Variants in ZNF578 observed in about 807,000 individuals in gnomAD.
The protein encoded by ZNF578 is zinc finger protein 578, also known as Putative chemokine-related protein B42.
Under a neutral mutation model 8.3 loss-of-function variants are expected in ZNF578, and 8 were observed. The ratio of observed to expected loss-of-function variants is 0.96; its 90% CI spans 0.56 to 1.74. The LOEUF is 1.74. Ranked by LOEUF, ZNF578 falls within the 40% of genes most tolerant of loss-of-function variation. ZNF578 has a pLI of 0.00. For synonymous variants in ZNF578, 206 were observed against 232.2 expected (o/e 0.89, Z 1.03); for missense variants, 726 against 707.5 (o/e 1.03, Z -0.30).
intron 2 of ZNF578, among the ~76,000 whole-genome samples, chr19:52,460,361 A>G (rs2059254127): frequency 6.6e-6 from 1 of 150,982 alleles, no homozygotes; most frequent in Admixed American, 6.6e-5. Context: ...GTGTGAGGTG[A>G]TACCTCATTG....
intron 2 of ZNF578, among the ~76,000 whole-genome samples, chr19:52,483,138 G>A (rs540898870): frequency 2.6e-5 from 4 of 152,178 alleles, no homozygotes; most frequent in South Asian, 2.1e-4. Flanking sequence ...AGTCCTGGCC[G>A]TGCGCGGTGG....
At chr19:52,492,113 G>T (rs960103316) in intron 3 of ZNF578, among the ~76,000 whole-genome samples, 4 of 128,268 alleles carry the variant, frequency 3.1e-5, no homozygotes, top group Middle Eastern at 5.3e-3. Flanking sequence ...AGCCAAAACC[G>T]TGCCACTGCA....
intron 2 of ZNF578, among the ~76,000 whole-genome samples, chr19:52,470,354 A>G (rs940170206): frequency 2.6e-5 from 4 of 152,206 alleles, no homozygotes; most frequent in Non-Finnish European, 4.4e-5. Context: ...CTGCACTCCA[A>G]AAGAACTGCT....
At chr19:52,493,948 C>A (rs1440792329) in intron 3 of ZNF578, among the ~76,000 whole-genome samples, 4 of 151,502 alleles carry the variant, frequency 2.6e-5, no homozygotes, top group African/African-American at 7.3e-5. Context: ...CGAGATCTCA[C>A]CATTTCACTC....
chr19:52,459,946 T>G (rs1326459649), intron 2 of ZNF578, among the ~76,000 whole-genome samples: 2 of 149,584 alleles, frequency 1.3e-5, no homozygotes. Context: ...TTTGTATTTT[T>G]ATTAGAGACG....
intron 3 of ZNF578, among the ~76,000 whole-genome samples, chr19:52,491,642 T>C (rs326432): frequency 6.7e-6 from 1 of 150,098 alleles, no homozygotes; most frequent in African/African-American, 2.5e-5. Context: ...TTCCACCCAG[T>C]AGGCAGAGGC....
In ZNF578 at chr19:52,511,587, T is replaced by C. The variant is rs1568468306; in HGVS notation, c.1206T>C (p.Asn402=). The C allele has an allele frequency of 1.9e-6, 3 of 1,613,282 alleles. No individual in the cohort carries two copies. The highest frequency in any genetic ancestry group is 2.2e-5 in the South Asian group (2 of 91,070). Residue 402 remains asparagine, a synonymous_variant, in exon 6 of 6, where the codon AAT becomes AAC. Transcript: ENST00000421239. ...CTGGAGAGAAACCTTACAAGTGTAA[T>C]GAATGTGGCAAGGCTTTTAATCAAC... is the stretch of plus-strand genomic sequence containing the variant. The part of the protein sequence containing the change: ...IHTGEKPYKC[N]ECGKAFNQQS...
At chr19:52,490,558 C>T (rs2059361738) in intron 2 of ZNF578, among the ~76,000 whole-genome samples, 1 of 152,100 alleles carries the variant, frequency 6.6e-6, no homozygotes, top group African/African-American at 2.4e-5. Context: ...TGACACACTG[C>T]ACTAGTTAAA....
rs779116884 is a variant in ZNF578, at chr19:52,482,325, C to T, written c.-121-8999C>T. Among the ~76,000 whole-genome samples, 62 of 152,220 alleles carry T rather than the reference C, an allele frequency of 4.1e-4. 1 individual carries two copies. The highest frequency in any genetic ancestry group is 2.6e-4 in the Non-Finnish European group (18 of 68,018). On this transcript the variant is annotated intron_variant, in intron 2 of 5. Transcript: ENST00000421239. ...CTGGGATTACAGGCGTAAGCCACCA[C>T]GCCCAGCCCATAGTAGATTTTAAAA...
chr19:52,502,969 T>C (rs2059412758), intron 4 of ZNF578, among the ~76,000 whole-genome samples: 1 of 152,178 alleles, frequency 6.6e-6, no homozygotes, highest in Admixed American at 6.5e-5. Context: ...CTCAGCTCAC[T>C]GCATCCTCTC....
At position 52,512,461 on chromosome 19, in the gene ZNF578, C is replaced by T. The variant is rs2059453026; in HGVS notation, c.*307C>T. 5 of 1,327,376 alleles carry T rather than the reference C, an allele frequency of 3.8e-6. No individual in the cohort carries two copies. The highest frequency in any genetic ancestry group is 4.8e-5 in the East Asian group (2 of 41,244). The allele number at this position is 1,327,376 out of a possible 1,614,324, so 82.2% of individuals were successfully genotyped here. ...TAAATGTGGCAAATTTTTCAGACAT[C>T]GTTCATACCTTGCAGTTCATCAGTG... is the stretch of plus-strand genomic sequence containing the variant. On this transcript the variant is annotated 3_prime_UTR_variant, in exon 6 of 6. Transcript: ENST00000421239.
chr19:52,509,075 G>A (rs573235093), intron 5 of ZNF578, among the ~76,000 whole-genome samples: 41 of 151,640 alleles, frequency 2.7e-4, no homozygotes, highest in Non-Finnish European at 4.7e-4. Flanking sequence ...CTGATGTTTT[G>A]GTGTTCTTAG....
intron 2 of ZNF578, among the ~76,000 whole-genome samples, chr19:52,462,248 G>A (rs1432022207): frequency 6.6e-6 from 1 of 152,166 alleles, no homozygotes; most frequent in African/African-American, 2.4e-5. Context: ...TAGGATACTG[G>A]TCTTTGATTA....
At chr19:52,507,197 G>C (rs1339661181) in intron 5 of ZNF578, among the ~76,000 whole-genome samples, 1 of 152,166 alleles carries the variant, frequency 6.6e-6, no homozygotes, top group African/African-American at 2.4e-5. Context: ...AGACCAGCCT[G>C]GCCAACATGG....
rs1555751349 is a variant in ZNF578, at chr19:52,459,769, A to ATATTTTTTTTT, written c.-122+2812_-122+2813insATTTTTTTTTT. Among the ~76,000 whole-genome samples, 46 of 17,626 alleles carry ATATTTTTTTTT rather than the reference A, an allele frequency of 2.6e-3. 10 individuals carry two copies. Among genetic ancestry groups the ATATTTTTTTTT allele is most frequent in the African/African-American group, 4.2e-3 (23 of 5,476 alleles). The allele number at this position is 17,626 out of a possible 152,430, so 11.6% of individuals were successfully genotyped here. ...TGTGTGTGTATATATATATATATAT[A>ATATTTTTTTTT]TTTTTTTTTTTTTTTTTTTTTTTTG... On this transcript the variant is annotated intron_variant, in intron 2 of 5. Transcript: ENST00000421239.
chr19:52,510,422 A>G, intron 5 of ZNF578, 150 bp from the exon 6 acceptor site: 1 of 1,133,040 alleles, frequency 8.8e-7, no homozygotes, highest in Non-Finnish European at 1.2e-6. Context: ...TTATTTATTA[A>G]AGAATCTTAC....
In ZNF578 at chr19:52,515,554, G is replaced by GGC. The variant is rs1396459530; in HGVS notation, c.*3400_*3401insGC. On this transcript the variant is annotated 3_prime_UTR_variant, in exon 6 of 6. Transcript: ENST00000421239. ...TTCCAGGACCCCATGTAAGACTTTA[G>GGC]ACACCTTCTCACTCATCTCAGACCT... Among the ~76,000 whole-genome samples, 2 of 152,084 alleles carry GGC rather than the reference G, an allele frequency of 1.3e-5. No homozygotes were observed. Among genetic ancestry groups the GGC allele is most frequent in the East Asian group, 3.9e-4 (2 of 5,172 alleles).
chr19:52,490,957 A>T (rs2059363174), intron 2 of ZNF578, among the ~76,000 whole-genome samples: 2 of 152,190 alleles, frequency 1.3e-5, no homozygotes, highest in Non-Finnish European at 2.9e-5. Context: ...TATACAGTAG[A>T]TATTCTGTAA....
At chr19:52,493,967 G>A (rs1301937957) in intron 3 of ZNF578, among the ~76,000 whole-genome samples, 3 of 147,546 alleles carry the variant, frequency 2.0e-5, no homozygotes, top group Non-Finnish European at 4.5e-5. Context: ...TCCAGCCTGG[G>A]CAACAAGAGC....
Sources: allele counts gnomAD v4.1 joint callset (sites outside exome capture counted in the v4.1 genomes callset), GRCh38; gene constraint gnomAD v4.1.1; transcripts MANE v1.5; gene names NCBI Gene and HGNC (gene_info 2026-07-23, HGNC 2026-07-21).